Variants in WWP2 observed in about 807,000 individuals in gnomAD.
WWP2 encodes WW domain containing E3 ubiquitin protein ligase 2.
WWP2 carries 57 observed loss-of-function variants against 121.0 expected under a neutral mutation model. That is an observed-to-expected ratio of 0.47 (90% confidence interval 0.38 to 0.59). WWP2 has a LOEUF of 0.59. Among genes scored for constraint, WWP2 ranks in the 20% least tolerant of loss-of-function variants. The pLI is 0.00. For synonymous variants in WWP2, 449 were observed against 441.3 expected (o/e 1.02, Z -0.22); for missense variants, 962 against 1,158.9 (o/e 0.83, Z 2.47).
rs563813341 is a variant in WWP2 at position 69,859,488 on chromosome 16, C to T, written c.576-12316C>T. Reference sequence around the variant, plus strand: ...GAGGATCGCTTGAGCCCAGGGAGGTCGAGGATGCAGTGAGCTGTGATTGCA... The same window carrying T: ...GAGGATCGCTTGAGCCCAGGGAGGTTGAGGATGCAGTGAGCTGTGATTGCA... On this transcript the variant is annotated intron_variant, in intron 6 of 23. Coordinates refer to ENST00000359154, the MANE Select transcript of WWP2 (RefSeq NM_001270454.2). Among the ~76,000 whole-genome samples, 340 of 151,698 alleles carry T rather than the reference C, an allele frequency of 2.2e-3. 1 individual carries two copies. Among genetic ancestry groups the T allele is most frequent in the Admixed American group, 3.7e-3 (56 of 15,242 alleles).
intron 2 of WWP2, among the ~76,000 whole-genome samples, chr16:69,790,247 C>G (rs73579497): frequency 0.27 from 40,307 of 151,854 alleles, 5,854 homozygotes; most frequent in East Asian, 0.41. Context: ...AATTCTATCT[C>G]AAAGAAAACA....
chr16:69,909,432 G>A (rs1024183959), intron 9 of WWP2: 30 of 985,476 alleles, frequency 3.0e-5, no homozygotes, highest in Middle Eastern at 5.2e-4. Context: ...AAAGGCTGTC[G>A]GAAGTAGGGA....
rs560907032 is a variant in WWP2, at chr16:69,763,000, C to T, written c.-16+609C>T. Reference sequence around the variant, plus strand: ...GGGTTTCCACTTCTTGGGAGCCTAGCCCTTCAGCTCATTTTTCTTTGAGAT... The same window carrying T: ...GGGTTTCCACTTCTTGGGAGCCTAGTCCTTCAGCTCATTTTTCTTTGAGAT... On this transcript the variant is annotated intron_variant, in intron 1 of 23. Transcript: ENST00000359154. 2.6e-5 allele frequency among the ~76,000 whole-genome samples: 4 copies of T among 152,208 alleles called. No homozygotes were observed. In the South Asian group the frequency reaches 6.2e-4, roughly 24 times the overall value.
chr16:69,818,288 A>G (rs942800084), intron 4 of WWP2, among the ~76,000 whole-genome samples: 3 of 151,462 alleles, frequency 2.0e-5, no homozygotes, highest in African/African-American at 4.9e-5. Flanking sequence ...GCTCACTGCA[A>G]CCTCTGCCTC....
intron 8 of WWP2, among the ~76,000 whole-genome samples, chr16:69,906,238 A>AT (rs1012889680): frequency 1.8e-4 from 28 of 151,736 alleles, no homozygotes; most frequent in African/African-American, 4.8e-5. Context: ...ATGCCCAGCT[A>AT]TTTTTTTATA....
intron 9 of WWP2, among the ~76,000 whole-genome samples, chr16:69,913,900 G>A (rs564470350): frequency 1.7e-4 from 25 of 151,260 alleles, no homozygotes; most frequent in Middle Eastern, 3.4e-3. Context: ...TGAAACCCCC[G>A]TCTCTACTAA....
At chr16:69,821,410 C>T (rs868377549) in intron 4 of WWP2, among the ~76,000 whole-genome samples, 1 of 152,134 alleles carries the variant, frequency 6.6e-6, no homozygotes, top group Non-Finnish European at 1.5e-5. Context: ...AATCCTGCAC[C>T]CTGTGTCACT....
chr16:69,927,686 G>T (rs1022593375), intron 11 of WWP2, among the ~76,000 whole-genome samples: 1 of 152,244 alleles, frequency 6.6e-6, no homozygotes, highest in Non-Finnish European at 1.5e-5. Context: ...CTAGTTCAAA[G>T]CAGTAGCTTC....
intron 10 of WWP2, among the ~76,000 whole-genome samples, chr16:69,922,636 C>A (rs531230368): frequency 6.6e-6 from 1 of 152,146 alleles, no homozygotes; most frequent in African/African-American, 2.4e-5. Context: ...GAGGGGCAGC[C>A]GGTTGGCTCA....
At chr16:69,800,328 A>G (rs1406929020) in intron 4 of WWP2, among the ~76,000 whole-genome samples, 1 of 152,126 alleles carries the variant, frequency 6.6e-6, no homozygotes, top group Admixed American at 6.6e-5. Flanking sequence ...AACCCTAGCC[A>G]GCCTTTTGTA....
chr16:69,785,813 G>T (rs2055775691), intron 1 of WWP2, among the ~76,000 whole-genome samples: 1 of 151,866 alleles, frequency 6.6e-6, no homozygotes, highest in South Asian at 2.1e-4. Flanking sequence ...TTTTAGTATA[G>T]ATGGGGTTTC....
chr16:69,835,820 T>TG (rs2056866813), intron 4 of WWP2, among the ~76,000 whole-genome samples: 1 of 151,180 alleles, frequency 6.6e-6, no homozygotes, highest in Non-Finnish European at 1.5e-5. Flanking sequence ...TTTTTTTTTT[T>TG]GAGACAGAGT....
chr16:69,904,459 C>A (rs2058255947), intron 8 of WWP2, among the ~76,000 whole-genome samples: 1 of 151,618 alleles, frequency 6.6e-6, no homozygotes, highest in South Asian at 2.1e-4. Flanking sequence ...GCCTCCAACT[C>A]CTGGGCTCAA....
chr16:69,933,235 G>T, intron 16 of WWP2: 1 of 436,034 alleles, frequency 2.3e-6, no homozygotes. Flanking sequence ...AGCAGCTGGG[G>T]ACTGGCCCCC....
chr16:69,907,233 C>T (rs1326871152), intron 8 of WWP2, among the ~76,000 whole-genome samples: 1 of 152,166 alleles, frequency 6.6e-6, no homozygotes, highest in Non-Finnish European at 1.5e-5. Flanking sequence ...GAGGAGGTTG[C>T]TAGATGCCTG....
At chr16:69,872,281 A>G (rs2057655695) in intron 7 of WWP2, among the ~76,000 whole-genome samples, 1 of 151,296 alleles carries the variant, frequency 6.6e-6, no homozygotes, top group Non-Finnish European at 1.5e-5. Flanking sequence ...CAGTGGCGTG[A>G]TCTCGGCTCA....
At chr16:69,856,834 A>G (rs1159295191) in intron 6 of WWP2, among the ~76,000 whole-genome samples, 1 of 152,124 alleles carries the variant, frequency 6.6e-6, no homozygotes, top group Non-Finnish European at 1.5e-5. Context: ...GTGTGACGTT[A>G]ACCTAACTAT....
intron 8 of WWP2, among the ~76,000 whole-genome samples, chr16:69,897,857 G>A (rs1000969774): frequency 2.6e-5 from 4 of 151,518 alleles, no homozygotes; most frequent in Non-Finnish European, 2.9e-5. Flanking sequence ...ACAGTGAGCC[G>A]AGATCGTACC....
intron 2 of WWP2, 36 bp from the exon 3 acceptor site, chr16:69,798,646 G>T (rs377606984): frequency 2.5e-6 from 4 of 1,604,452 alleles, no homozygotes. Context: ...GGAGCCCTGG[G>T]ACTCATCTTT....
Sources: allele counts gnomAD v4.1 joint callset (sites outside exome capture counted in the v4.1 genomes callset), GRCh38; gene constraint gnomAD v4.1.1; transcripts MANE v1.5; gene names NCBI Gene and HGNC (gene_info 2026-07-23, HGNC 2026-07-21).